Variants in SLC2A9 observed in about 807,000 individuals in gnomAD.
SLC2A9 encodes the protein solute carrier family 2 member 9.
In SLC2A9, 39 loss-of-function variants were observed where a neutral mutation model predicts 50.6. That is an observed-to-expected ratio of 0.77 (90% CI 0.60 to 1.01). The LOEUF (loss-of-function observed/expected upper bound fraction) is 1.01, where lower values mean the gene tolerates loss of function less well. Ranked by LOEUF, SLC2A9 falls within the 50% of genes least tolerant of loss-of-function variation. The pLI is 0.00. For missense variants in SLC2A9, 686 were observed against 677.6 expected (o/e 1.01, Z -0.14); for synonymous variants, 324 against 276.9 (o/e 1.17, Z -1.69).
intron 10 of SLC2A9, among the ~76,000 whole-genome samples, chr4:9,853,677 C>T (rs1730310231): frequency 6.6e-6 from 1 of 152,170 alleles, no homozygotes; most frequent in Non-Finnish European, 1.5e-5. Flanking sequence ...GAATTCTCTA[C>T]CCAAAAACAA....
intron 6 of SLC2A9, among the ~76,000 whole-genome samples, chr4:9,927,062 T>C (rs1745037108): frequency 6.6e-6 from 1 of 151,478 alleles, no homozygotes; most frequent in Admixed American, 6.6e-5. Flanking sequence ...AGAGTTCCGT[T>C]CTTGTTGCCC....
chr4:10,009,053 G>A (rs956956177), intron 2 of SLC2A9, among the ~76,000 whole-genome samples: 29 of 152,110 alleles, frequency 1.9e-4, no homozygotes, highest in African/African-American at 6.0e-4. Flanking sequence ...ATAATTGCCC[G>A]TTGTTTCTGC....
downstream of SLC2A9, among the ~76,000 whole-genome samples, chr4:9,824,146 T>C (rs187126398): frequency 1.5e-4 from 23 of 151,740 alleles, no homozygotes; most frequent in Non-Finnish European, 2.4e-4. Context: ...ATCATGGGAG[T>C]GGGACTGGTG....
intron 4 of SLC2A9, among the ~76,000 whole-genome samples, chr4:9,985,215 G>A (rs1756507433): frequency 6.6e-6 from 1 of 152,134 alleles, no homozygotes. Context: ...ACAGGGTCTT[G>A]TTAATCATTG....
At chr4:9,955,023 G>C (rs1750970971) in intron 5 of SLC2A9, among the ~76,000 whole-genome samples, 2 of 152,116 alleles carry the variant, frequency 1.3e-5, no homozygotes, top group South Asian at 4.1e-4. Flanking sequence ...CCTTCCTCTG[G>C]GAACTTTTGA....
intron 3 of SLC2A9, among the ~76,000 whole-genome samples, chr4:9,786,939 C>T (rs1719300441): frequency 1.3e-5 from 2 of 152,178 alleles, no homozygotes; most frequent in Admixed American, 1.3e-4. Flanking sequence ...GCCCCAAATA[C>T]CCATGTTGCA....
At chr4:9,978,962 A>C (rs1305307930) in intron 5 of SLC2A9, among the ~76,000 whole-genome samples, 2 of 152,256 alleles carry the variant, frequency 1.3e-5, no homozygotes, top group Non-Finnish European at 2.9e-5. Context: ...TGATTCCTCC[A>C]CTTATAAAAC....
At chr4:9,914,794 ATCTAGATGCCCAACAGCCGG>A (rs1476217469) in intron 7 of SLC2A9, among the ~76,000 whole-genome samples, 1 of 152,156 alleles carries the variant, frequency 6.6e-6, no homozygotes, top group Middle Eastern at 3.2e-3. Flanking sequence ...TGGACAGCAT[ATCTAGATGCCCAACAGCCGG>A]TCCATGCTCA....
chr4:9,781,811 G>A (rs1718429124), intron 3 of SLC2A9: 3 of 436,070 alleles, frequency 6.9e-6, no homozygotes, highest in Non-Finnish European at 1.2e-5. Flanking sequence ...CGCGGAGACT[G>A]GAGGGGCGCA....
chr4:9,853,927 A>G (rs1311780910), intron 10 of SLC2A9, among the ~76,000 whole-genome samples: 1 of 152,208 alleles, frequency 6.6e-6, no homozygotes, highest in Non-Finnish European at 1.5e-5. Context: ...GGCAAAAATA[A>G]AGAAATTGAT....
intron 2 of SLC2A9, chr4:10,006,392 G>A (rs1306503570): frequency 6.6e-6 from 1 of 152,156 alleles, no homozygotes; most frequent in Non-Finnish European, 1.5e-5. Flanking sequence ...TTGGTAGCTG[G>A]GCCAGAGTAC....
chr4:9,782,074 C>T, intron 3 of SLC2A9: 1 of 1,501,510 alleles, frequency 6.7e-7, no homozygotes, highest in Non-Finnish European at 8.9e-7. Context: ...CGGGGCAGTT[C>T]GCTCTATACC....
chr4:9,951,196 T>C (rs1210328623), intron 5 of SLC2A9, among the ~76,000 whole-genome samples: 1 of 152,142 alleles, frequency 6.6e-6, no homozygotes, highest in Non-Finnish European at 1.5e-5. Context: ...GCAACGTGGA[T>C]GGAATTGGGG....
chr4:10,029,567 TTATTTTATATTTTTATTTTATTTTATA>T (rs1442335902), intron 1 of SLC2A9, among the ~76,000 whole-genome samples: 1 of 138,546 alleles, frequency 7.2e-6, no homozygotes, highest in Non-Finnish European at 1.6e-5. Flanking sequence ...TTTATTTTAT[TTATTTTATATTTTTATTTTATTTTATA>T]TTATTTTATT....
At chr4:10,026,410 T>C (rs1305949046), upstream of SLC2A9, among the ~76,000 whole-genome samples, 2 of 152,186 alleles carry the variant, frequency 1.3e-5, no homozygotes, top group Non-Finnish European at 2.9e-5. Flanking sequence ...AGGATTGTCT[T>C]TGCTAGTGGA....
At chr4:9,886,067 T>G (rs1333173190) in intron 10 of SLC2A9, among the ~76,000 whole-genome samples, 1 of 152,258 alleles carries the variant, frequency 6.6e-6, no homozygotes, top group East Asian at 1.9e-4. Context: ...ATAGTAAATG[T>G]GTGTGTGCTG....
intron 10 of SLC2A9, among the ~76,000 whole-genome samples, chr4:9,849,731 A>G (rs755337442): frequency 6.6e-5 from 10 of 152,178 alleles, no homozygotes; most frequent in Admixed American, 2.6e-4. Context: ...GTAAGAAAAC[A>G]CAATTAAAGT....
intron 1 of SLC2A9, among the ~76,000 whole-genome samples, chr4:10,030,345 AAAAT>A (rs902144197): frequency 5.3e-5 from 8 of 152,224 alleles, no homozygotes; most frequent in African/African-American, 9.6e-5. Context: ...TTGTCAATCA[AAAAT>A]AAATAAATAA....
At chr4:10,013,914 G>T (rs1762186452) in intron 2 of SLC2A9, among the ~76,000 whole-genome samples, 1 of 152,004 alleles carries the variant, frequency 6.6e-6, no homozygotes, top group Non-Finnish European at 1.5e-5. Context: ...CTTCCCATGG[G>T]GCAGCATCCA....
Sources: gnomAD v4.1 joint callset for allele counts (sites outside exome capture counted in the v4.1 genomes callset) on GRCh38, gnomAD v4.1.1 for gene constraint, MANE v1.5 for transcripts, NCBI Gene and HGNC (gene_info 2026-07-23, HGNC 2026-07-21) for gene names.